The following DYNC1H1 variants were observed in gnomAD, a reference collection of about 807,000 sequenced individuals.
DYNC1H1 encodes the protein dynein cytoplasmic 1 heavy chain 1.
Under a neutral mutation model 527.1 loss-of-function variants are expected in DYNC1H1, and 51 were observed. That is an observed-to-expected ratio of 0.10 (90% confidence interval 0.08 to 0.12). The LOEUF (loss-of-function observed/expected upper bound fraction) is 0.12. Among genes scored for constraint, DYNC1H1 ranks in the 10% least tolerant of loss-of-function variants. The pLI is 1.00. For synonymous variants in DYNC1H1, 2,189 were observed against 2,278.8 expected (o/e 0.96, Z 1.12); for missense variants, 2,771 against 5,971.8 (o/e 0.46, Z 17.66).
chr14:102,015,539 C>A lies in DYNC1H1; in HGVS notation c.7242+207C>A, dbSNP rs1479442240. ...CAATGTTGTCTTCTGCCAGCTTAAACAAGGAAGCCCAGCTGTAGCAGCTAC... is the reference window on the plus strand; with the variant it reads ...CAATGTTGTCTTCTGCCAGCTTAAAAAAGGAAGCCCAGCTGTAGCAGCTAC... On this transcript the variant is annotated intron_variant, in intron 35 of 77. Coordinates refer to ENST00000360184, the MANE Select transcript of DYNC1H1 (RefSeq NM_001376.5). This position sits in a 1 kb window ranked among gnomAD's most constrained non-coding sequence, Gnocchi z 6.9. Among the ~76,000 whole-genome samples the A allele has an allele frequency of 6.6e-6, 1 of 152,212 alleles. No individual in the cohort carries two copies. The highest frequency in any genetic ancestry group is 1.5e-5 in the Non-Finnish European group (1 of 68,042).
Position 102,010,638 on chromosome 14 carries a change from C to T in DYNC1H1, c.6406-102C>T. The T allele has an allele frequency of 6.5e-7, 1 of 1,543,824 alleles. No individual in the cohort carries two copies. The highest frequency in any genetic ancestry group is 2.3e-4 in the Middle Eastern group (1 of 4,296). ...CGAATGTGGGCGAGTGGTGCTCGCACCCTTTGTTCACCAACAGTTACTGAT... is the reference window on the plus strand; with the variant it reads ...CGAATGTGGGCGAGTGGTGCTCGCATCCTTTGTTCACCAACAGTTACTGAT... On this transcript the variant is annotated intron_variant, in intron 31 of 77. Coordinates refer to ENST00000360184, the MANE Select transcript of DYNC1H1 (RefSeq NM_001376.5). The surrounding 1 kb of genome is among the most constrained non-coding windows in gnomAD (Gnocchi z 6.0).
rs139382958 is a variant in DYNC1H1, at chr14:102,010,596, C to G, written c.6405+137C>G. 3.1e-4 allele frequency: 458 copies of G among 1,495,424 alleles called. 2 individuals carry two copies. The African/African-American group carries it at 5.7e-3, about 18-fold the overall frequency. 92.6% of individuals were successfully genotyped at this position (1,495,424 alleles called of 1,614,324 possible). On this transcript the variant is annotated intron_variant, in intron 31 of 77. Transcript: ENST00000360184. The surrounding 1 kb of genome is among the most constrained non-coding windows in gnomAD (Gnocchi z 6.0). ...GGCTGAAATAGACTGTAATGTTGAC[C>G]CAGTGAGTCGAGTGCACGAATGTGG... is the stretch of plus-strand genomic sequence containing the variant.
chr14:102,055,910 G>A lies in DYNC1H1; in HGVS notation c.*5347G>A, dbSNP rs773130889. 3 of 152,294 alleles carry A rather than the reference G, an allele frequency of 2.0e-5. No individual in the cohort carries two copies. The highest frequency in any genetic ancestry group is 1.3e-4 in the Admixed American group (2 of 15,262). 9.4% of individuals were successfully genotyped at this position (152,294 alleles called of 1,614,324 possible). On this transcript the variant is annotated 3_prime_UTR_variant, in exon 78 of 78. Transcript: ENST00000360184. ...CAGCCCAGCATCCACTCTCAGACCA[G>A]AGCAATGCTTGTGAACTCCGAAAAT...
Position 102,001,692 on chromosome 14 carries a change from T to TG in DYNC1H1, c.4542+15dup. 6.2e-7 allele frequency: 1 copy of TG among 1,613,838 alleles called. No individual in the cohort carries two copies. The highest frequency in any genetic ancestry group is 8.5e-7 in the Non-Finnish European group (1 of 1,180,046). On this transcript the variant is annotated intron_variant, in intron 21 of 77. Coordinates refer to ENST00000360184, the MANE Select transcript of DYNC1H1 (RefSeq NM_001376.5). The surrounding 1 kb of genome is among the most constrained non-coding windows in gnomAD (Gnocchi z 5.0). Reference sequence around the variant, plus strand: ...TCTCCGTATTACAAGGTGCTGTTGCTGGGGAAGCTTTCCCTCCCCACCAGT... The same window carrying TG: ...TCTCCGTATTACAAGGTGCTGTTGCTGGGGGAAGCTTTCCCTCCCCACCAGT...
chr14:102,049,764 T>C lies in DYNC1H1; in HGVS notation c.13566T>C (p.Thr4522=). The C allele has an allele frequency of 1.2e-6, 2 of 1,613,894 alleles. No individual in the cohort carries two copies. The highest frequency in any genetic ancestry group is 1.7e-6 in the Non-Finnish European group (2 of 1,179,998). Residue 4522 remains threonine (T), a synonymous_variant, in exon 76 of 78, where the codon ACT becomes ACC. Transcript: ENST00000360184. This position sits in a 1 kb window ranked among gnomAD's most constrained non-coding sequence, Gnocchi z 5.5. ...GGLFVPEAYI[T]ATRQYVAQAN... ...TGTTCGTGCCTGAGGCGTACATCAC[T>C]GCCACCAGGCAGTATGTGGCCCAGG...
chr14:102,049,374 T>G lies in DYNC1H1; in HGVS notation c.13373-66T>G, dbSNP rs1447139625. The G allele has an allele frequency of 4.0e-5, 64 of 1,608,014 alleles. No individual in the cohort carries two copies. Among genetic ancestry groups the G allele is most frequent in the Middle Eastern group, 2.0e-4 (1 of 4,882 alleles). ...GCCAGGATGCCTAGCACTTGCACATTTGTTCCATCTGTGCTGGGGGAGTTG... is the reference window on the plus strand; with the variant it reads ...GCCAGGATGCCTAGCACTTGCACATGTGTTCCATCTGTGCTGGGGGAGTTG... On this transcript the variant is annotated intron_variant, in intron 74 of 77. Coordinates refer to ENST00000360184, the MANE Select transcript of DYNC1H1 (RefSeq NM_001376.5). The surrounding 1 kb of genome is among the most constrained non-coding windows in gnomAD (Gnocchi z 5.5).
intron 42 of DYNC1H1, among the ~76,000 whole-genome samples, chr14:102,022,383 G>GT (rs1216132647): frequency 6.6e-6 from 1 of 151,670 alleles, no homozygotes; most frequent in Non-Finnish European, 1.5e-5. Context: ...GCGGGCGCCT[G>GT]TAGTCCCAGC....
Position 102,044,838 on chromosome 14 carries a change from C to G in DYNC1H1, c.13006+140C>G. The G allele has an allele frequency of 1.0e-6, 1 of 998,524 alleles. No individual in the cohort carries two copies. Among genetic ancestry groups the G allele is most frequent in the Non-Finnish European group, 1.5e-6 (1 of 667,200 alleles). The allele number at this position is 998,524 out of a possible 1,614,324, so 61.9% of individuals were successfully genotyped here. Reference sequence around the variant, plus strand: ...CTCCCTGGTTATGCTGGGTGTGGCTCTGTCAGCCTCGGCCTTCCTGCCAGT... The same window carrying G: ...CTCCCTGGTTATGCTGGGTGTGGCTGTGTCAGCCTCGGCCTTCCTGCCAGT... On this transcript the variant is annotated intron_variant, in intron 72 of 77. Coordinates refer to ENST00000360184, the MANE Select transcript of DYNC1H1 (RefSeq NM_001376.5). The surrounding 1 kb of genome is among the most constrained non-coding windows in gnomAD (Gnocchi z 7.1).
At chr14:101,973,485 T>C (rs2047763875) in intron 1 of DYNC1H1, among the ~76,000 whole-genome samples, 1 of 152,064 alleles carries the variant, frequency 6.6e-6, no homozygotes. Flanking sequence ...TTATACTCTT[T>C]AGTGTGAATT....
At position 102,041,981 on chromosome 14, in the gene DYNC1H1, A is replaced by G. The variant is rs1340669090; in HGVS notation, c.12103-32A>G. 1 of 1,606,864 alleles carries G rather than the reference A, an allele frequency of 6.2e-7. No homozygotes were observed. Among genetic ancestry groups the G allele is most frequent in the African/African-American group, 1.3e-5 (1 of 74,760 alleles). On this transcript the variant is annotated intron_variant, in intron 65 of 77. Coordinates refer to ENST00000360184, the MANE Select transcript of DYNC1H1 (RefSeq NM_001376.5). This position sits in a 1 kb window ranked among gnomAD's most constrained non-coding sequence, Gnocchi z 4.5. ...TGACAGGTACACACTATTTGCTGGC[A>G]CTGTAATAACTTCTGCCTTCTTTGT...
At chr14:101,966,061 A>G (rs550357644) in intron 1 of DYNC1H1, among the ~76,000 whole-genome samples, 15 of 152,294 alleles carry the variant, frequency 9.8e-5, no homozygotes, top group Admixed American at 3.9e-4. Flanking sequence ...GTTAGCCTCT[A>G]GGGATTGGAG....
At position 102,040,370 on chromosome 14, in the gene DYNC1H1, C is replaced by A. The variant is rs771764035; in HGVS notation, c.11825C>A (p.Pro3942His). The change falls in exon 63 of 78, where the codon CCC (proline) becomes CAC (histidine). Residue 3942 changes from proline (P) to histidine (H), a missense_variant. Physicochemically the swap from Pro to His is moderately conservative, Grantham distance 77 (BLOSUM62 -2). Coordinates refer to ENST00000360184, the MANE Select transcript of DYNC1H1 (RefSeq NM_001376.5). ...GCGGTGGTGAGGCTGAGCTGCCTTC[C>A]CGCGTTTAAGGACTTGATTGCAAAG... ...AEAVVRLSCL[P>H]AFKDLIAKVQ... 6.2e-7 allele frequency: 1 copy of A among 1,614,158 alleles called. No homozygotes were observed. The highest frequency in any genetic ancestry group is 1.1e-5 in the South Asian group (1 of 91,080).
intron 9 of DYNC1H1, 97 bp from the exon 10 acceptor site, chr14:101,988,606 T>C (rs1471388433): frequency 6.6e-7 from 1 of 1,518,686 alleles, no homozygotes; most frequent in African/African-American, 1.4e-5. Flanking sequence ...CGGAACTGTG[T>C]ATCTTTTATC....
rs2152593621 is a variant in DYNC1H1, at chr14:102,036,494, C to T, written c.10760C>T (p.Pro3587Leu). 1 of 1,613,688 alleles carries T rather than the reference C, an allele frequency of 6.2e-7. No homozygotes were observed. Among genetic ancestry groups the T allele is most frequent in the Non-Finnish European group, 8.5e-7 (1 of 1,179,912 alleles). ...AIMLKRFNRYPLIIDPSGQAT... is the reference protein window; with the variant it reads ...AIMLKRFNRYLLIIDPSGQAT... ...TTCTGTGGCCTCATCCTCAGGTATC[C>T]GCTGATCATTGACCCCTCTGGACAG... The change falls in exon 57 of 78, where the codon CCG (proline) becomes CTG (leucine). Residue 3587 changes from proline to leucine, a missense_variant. Pro to Leu is a moderately conservative substitution (Grantham distance 98). This residue lies in a region of DYNC1H1 where 283 missense variants were observed against 737.6 expected (regional missense o/e 0.38). Transcript: ENST00000360184. This position sits in a 1 kb window ranked among gnomAD's most constrained non-coding sequence, Gnocchi z 5.6.
In DYNC1H1 at chr14:102,011,326, C is replaced by CT; in HGVS notation, c.6618+375dup. ...TTCTGTATTGGCTTCTTTCCTTCCT[C>CT]TATGTGATTCATTTAAGAAAAAGTT... On this transcript the variant is annotated intron_variant, in intron 32 of 77. Transcript: ENST00000360184. This position sits in a 1 kb window ranked among gnomAD's most constrained non-coding sequence, Gnocchi z 5.3. The CT allele has an allele frequency of 2.7e-6, 1 of 363,844 alleles. No homozygotes were observed. Among genetic ancestry groups the CT allele is most frequent in the Admixed American group, 4.0e-5 (1 of 24,862 alleles). 22.5% of individuals were successfully genotyped at this position (363,844 alleles called of 1,614,324 possible). A position where few individuals can be genotyped will look rare whatever the true frequency, so the allele number is the denominator to read the frequency against.
In DYNC1H1 at chr14:102,010,913, T is replaced by C. The variant is rs772036178; in HGVS notation, c.6579T>C (p.Tyr2193=). 1.2e-6 allele frequency: 2 copies of C among 1,614,154 alleles called. No individual in the cohort carries two copies. The highest frequency in any genetic ancestry group is 1.7e-6 in the Non-Finnish European group (2 of 1,180,032). Residue 2193 remains tyrosine (Y), a synonymous_variant, in exon 32 of 78, where the codon TAT becomes TAC. Coordinates refer to ENST00000360184, the MANE Select transcript of DYNC1H1 (RefSeq NM_001376.5). This position sits in a 1 kb window ranked among gnomAD's most constrained non-coding sequence, Gnocchi z 6.0. ...TGTGTCAGGAGATGTATTTGACATA[T>C]GGAGATGGAGAAGAAGTTGGTGGAA... The part of the protein sequence containing the change: ...KKVCQEMYLT[Y]GDGEEVGGMW...
chr14:102,043,757 C>T (rs2048681019), intron 69 of DYNC1H1, 118 bp from the exon 70 acceptor site: 9 of 1,419,540 alleles, frequency 6.3e-6, no homozygotes, highest in Non-Finnish European at 8.8e-6. Context: ...TGTGAATCTG[C>T]TGCCATCGTC....
chr14:102,004,785 A>G lies in DYNC1H1; in HGVS notation c.5073A>G (p.Ser1691=). The change falls in exon 25 of 78, where the codon TCA becomes TCG. Residue 1691 remains serine (S), a synonymous_variant. Coordinates refer to ENST00000360184, the MANE Select transcript of DYNC1H1 (RefSeq NM_001376.5). ...AGGTTATGTTTAAAACTCCTGTGTC[A>G]ATTACTGAACATCCCAAAATCAATG... The part of the protein sequence containing the change: ...GEEVMFKTPV[S]ITEHPKINEW... 2 of 1,614,206 alleles carry G rather than the reference A, an allele frequency of 1.2e-6. No homozygotes were observed. The highest frequency in any genetic ancestry group is 1.7e-6 in the Non-Finnish European group (2 of 1,180,040).
Position 102,012,566 on chromosome 14 carries a change from G to C in DYNC1H1, c.7014+96G>C, listed in dbSNP as rs1236880276. The C allele has an allele frequency of 3.3e-6, 5 of 1,516,626 alleles. No individual in the cohort carries two copies. In the Admixed American group the frequency reaches 8.3e-5, roughly 25 times the overall value. 93.9% of individuals were successfully genotyped at this position (1,516,626 alleles called of 1,614,324 possible). A position where few individuals can be genotyped will look rare whatever the true frequency, so the allele number is the denominator to read the frequency against. On this transcript the variant is annotated intron_variant, in intron 34 of 77. Coordinates refer to ENST00000360184, the MANE Select transcript of DYNC1H1 (RefSeq NM_001376.5). The surrounding 1 kb of genome is among the most constrained non-coding windows in gnomAD (Gnocchi z 4.9). ...GTGCAGCTCTGGAGTCATGGACCCA[G>C]ATTCCATGGAGTAGTGATCATTGTG...
Sources: gnomAD v4.1 joint callset for allele counts (sites outside exome capture counted in the v4.1 genomes callset) on GRCh38, gnomAD v4.1.1 for gene constraint, gnomAD v4.1.1 regional missense constraint, Gnocchi (gnomAD v3.1) non-coding constraint, MANE v1.5 for transcripts, NCBI Gene and HGNC (gene_info 2026-07-23, HGNC 2026-07-21) for gene names.